RNF220: variants seen among roughly 807,000 people sequenced by gnomAD.
RNF220 encodes the protein ring finger protein 220.
A neutral mutation model predicts 67.1 loss-of-function variants in RNF220; 7 were observed. The ratio of observed to expected loss-of-function variants is 0.10; its 90% CI spans 0.06 to 0.20. The LOEUF is 0.20. Ranked by LOEUF, RNF220 falls within the 10% of genes least tolerant of loss-of-function variation. The pLI, the probability that RNF220 is intolerant of heterozygous loss-of-function variation, is 1.00. For missense variants in RNF220, 565 were observed against 740.3 expected (o/e 0.76, Z 2.75); for synonymous variants, 270 against 283.2 (o/e 0.95, Z 0.47).
At position 44,431,046 on chromosome 1, in the gene RNF220, A is replaced by C. The variant is rs118127026; in HGVS notation, c.625+18324A>C. ...GTCACAATTGCTGGGAAAGTGTCTG[A>C]TTTGTGTGTGTGCGTTGACAAAATT... On this transcript the variant is annotated intron_variant, in intron 2 of 14. Coordinates refer to ENST00000361799, the MANE Select transcript of RNF220 (RefSeq NM_018150.4). 3.2e-4 allele frequency among the ~76,000 whole-genome samples: 48 copies of C among 152,266 alleles called. No homozygotes were observed. In the East Asian group the frequency reaches 9.1e-3, roughly 29 times the overall value.
chr1:44,513,086 G>T (rs916498660), intron 2 of RNF220, among the ~76,000 whole-genome samples: 2 of 152,184 alleles, frequency 1.3e-5, no homozygotes, highest in Admixed American at 6.5e-5. Flanking sequence ...TCCCTTAAGG[G>T]ATTTGGAGTC....
At chr1:44,617,907 C>T (rs1643629034) in intron 3 of RNF220, among the ~76,000 whole-genome samples, 1 of 152,098 alleles carries the variant, frequency 6.6e-6, no homozygotes, top group African/African-American at 2.4e-5. Flanking sequence ...CTTCTTTCCC[C>T]TGCTGACTCC....
chr1:44,457,400 C>T (rs1277802647), intron 2 of RNF220, among the ~76,000 whole-genome samples: 2 of 151,814 alleles, frequency 1.3e-5, no homozygotes, highest in Non-Finnish European at 2.9e-5. Flanking sequence ...TAAGATTTCT[C>T]CAATTAGAGA....
chr1:44,479,998 A>G (rs527402730), intron 2 of RNF220, among the ~76,000 whole-genome samples: 46 of 152,320 alleles, frequency 3.0e-4, no homozygotes, highest in African/African-American at 1.1e-3. Flanking sequence ...ACAAGTTGCT[A>G]TTATTCCCGG....
At chr1:44,467,749 A>G (rs2147981038) in intron 2 of RNF220, among the ~76,000 whole-genome samples, 1 of 152,316 alleles carries the variant, frequency 6.6e-6, no homozygotes, top group East Asian at 1.9e-4. Context: ...TTGCATTCAC[A>G]GCTTGGCTAA....
chr1:44,516,669 G>A (rs1659474353), intron 2 of RNF220, among the ~76,000 whole-genome samples: 1 of 151,528 alleles, frequency 6.6e-6, no homozygotes, highest in South Asian at 2.1e-4. Flanking sequence ...GAAGGGAAAG[G>A]AAACCAATAT....
At chr1:44,617,999 T>C (rs777495490) in intron 3 of RNF220, among the ~76,000 whole-genome samples, 4 of 152,146 alleles carry the variant, frequency 2.6e-5, no homozygotes, top group South Asian at 2.1e-4. Context: ...TCCCTGGCCT[T>C]CTTCAGCTTA....
intron 2 of RNF220, among the ~76,000 whole-genome samples, chr1:44,609,715 A>G (rs1056890625): frequency 1.3e-5 from 2 of 152,222 alleles, no homozygotes; most frequent in East Asian, 3.9e-4. Context: ...GCCTGGCCCA[A>G]GCTAGGAAGA....
intron 2 of RNF220, among the ~76,000 whole-genome samples, chr1:44,479,251 G>A (rs1572629518): frequency 6.6e-6 from 1 of 152,052 alleles, no homozygotes; most frequent in East Asian, 1.9e-4. Flanking sequence ...GAGTAGCTGG[G>A]ACTACAGGCG....
At chr1:44,479,091 A>G (rs1159413633) in intron 2 of RNF220, among the ~76,000 whole-genome samples, 1 of 151,176 alleles carries the variant, frequency 6.6e-6, no homozygotes, top group South Asian at 2.1e-4. Flanking sequence ...TCTTTCACCA[A>G]TACAGCTCTC....
chr1:44,548,163 T>C (rs184277976), intron 2 of RNF220, among the ~76,000 whole-genome samples: 160 of 152,284 alleles, frequency 1.1e-3, no homozygotes, highest in African/African-American at 3.7e-3. Context: ...ATATGTCCCC[T>C]TATCTCTAGC....
chr1:44,439,866 A>C (rs1029404136), intron 2 of RNF220, among the ~76,000 whole-genome samples: 1 of 152,244 alleles, frequency 6.6e-6, no homozygotes, highest in South Asian at 2.1e-4. Context: ...AGTGGAAAAT[A>C]CAGACAGACC....
chr1:44,490,233 C>A (rs1354542892), intron 2 of RNF220, among the ~76,000 whole-genome samples: 1 of 151,640 alleles, frequency 6.6e-6, no homozygotes, highest in African/African-American at 2.4e-5. Context: ...CTTTGGGAGG[C>A]CGAGGCAGGT....
intron 2 of RNF220, among the ~76,000 whole-genome samples, chr1:44,422,565 C>T (rs1649345578): frequency 6.6e-6 from 1 of 152,190 alleles, no homozygotes; most frequent in East Asian, 1.9e-4. Flanking sequence ...ATTGTCATTT[C>T]TTCTTTATTT....
intron 2 of RNF220, among the ~76,000 whole-genome samples, chr1:44,605,245 G>A (rs1306573116): frequency 6.7e-6 from 1 of 148,496 alleles, no homozygotes; most frequent in Non-Finnish European, 1.5e-5. Flanking sequence ...GTTGCAGTGA[G>A]CTGAGATCAC....
intron 3 of RNF220, among the ~76,000 whole-genome samples, chr1:44,617,837 C>A (rs1488360852): frequency 6.6e-6 from 1 of 152,160 alleles, no homozygotes; most frequent in East Asian, 1.9e-4. Context: ...AAAGGCACAT[C>A]TTTGGAGGCT....
At chr1:44,529,690 A>AT (rs900854446) in intron 2 of RNF220, among the ~76,000 whole-genome samples, 4 of 152,146 alleles carry the variant, frequency 2.6e-5, no homozygotes, top group Non-Finnish European at 5.9e-5. Context: ...ATTTATTTAT[A>AT]TTTTAAAAAG....
At chr1:44,503,324 A>G (rs1453227718) in intron 2 of RNF220, among the ~76,000 whole-genome samples, 1 of 114,914 alleles carries the variant, frequency 8.7e-6, no homozygotes, top group African/African-American at 3.3e-5. Context: ...ACAGAGCCAG[A>G]TGCTGTCTCA....
In RNF220 at chr1:44,651,301, C is replaced by A; in HGVS notation, c.*526C>A. 1 of 178,064 alleles carries A rather than the reference C, an allele frequency of 5.6e-6. No homozygotes were observed. The highest frequency in any genetic ancestry group is 1.3e-4 in the South Asian group (1 of 7,964). The allele number at this position is 178,064 out of a possible 1,614,324, so 11.0% of individuals were successfully genotyped here. On this transcript the variant is annotated 3_prime_UTR_variant, in exon 15 of 15. Coordinates refer to ENST00000361799, the MANE Select transcript of RNF220 (RefSeq NM_018150.4). ...GTTGGCTGGGAGCTCGGCCCATCCA[C>A]CTCTTGGGGTACCTGCCTCTCTCTC... is the stretch of plus-strand genomic sequence containing the variant.
Sources: gnomAD v4.1 joint callset for allele counts (sites outside exome capture counted in the v4.1 genomes callset) on GRCh38, gnomAD v4.1.1 for gene constraint, MANE v1.5 for transcripts, NCBI Gene and HGNC (gene_info 2026-07-23, HGNC 2026-07-21) for gene names.